Variants in CFAP44 observed in about 807,000 individuals in gnomAD.
CFAP44 encodes the protein cilia- and flagella-associated protein 44.
In CFAP44, 134 loss-of-function variants were observed where a neutral mutation model predicts 216.2. That is an observed-to-expected ratio of 0.62 (90% confidence interval 0.54 to 0.72). The LOEUF (loss-of-function observed/expected upper bound fraction) is 0.72. CFAP44 is among the 30% of genes least tolerant of loss of function. CFAP44 has a pLI of 0.00. For synonymous variants in CFAP44, 700 were observed against 727.6 expected, an observed-to-expected ratio of 0.96 and a Z score of 0.61; for missense variants, 2,035 against 2,182.1, an observed-to-expected ratio of 0.93 and a Z score of 1.34.
At position 113,439,665 on chromosome 3, in the gene CFAP44, T is replaced by C. The variant is rs556600753; in HGVS notation, c.-6+1788A>G. On this transcript the variant is annotated intron_variant, in intron 1 of 34. Coordinates refer to ENST00000393845, the MANE Select transcript of CFAP44 (RefSeq NM_001164496.2). ...CTGTATGTTATTTAGGTTGACAGGG[T>C]CAACTCTAAGGAAGTATAAAGAAAA... Among the ~76,000 whole-genome samples, 51 of 152,330 alleles carry C rather than the reference T, an allele frequency of 3.3e-4. 1 individual carries two copies. The South Asian group carries it at 8.5e-3, about 25-fold the overall frequency.
At chr3:113,356,684 T>C (rs1485284594) in intron 22 of CFAP44, among the ~76,000 whole-genome samples, 1 of 152,160 alleles carries the variant, frequency 6.6e-6, no homozygotes, top group Non-Finnish European at 1.5e-5. Context: ...ATAAAAATTA[T>C]TCAAGATGTA....
Position 113,330,676 on chromosome 3 carries a change from A to G in CFAP44, c.3616-8T>C. The G allele has an allele frequency of 6.6e-7, 1 of 1,524,634 alleles. No homozygotes were observed. The highest frequency in any genetic ancestry group is 1.2e-5 in the South Asian group (1 of 81,246). The allele number at this position is 1,524,634 out of a possible 1,614,324, so 94.4% of individuals were successfully genotyped here. A position where few individuals can be genotyped will look rare whatever the true frequency, so the allele number is the denominator to read the frequency against. Reference sequence around the variant, plus strand: ...CCTTTTATTTCCATGGACCTGAAAAAAAGAAGAGGAAGGAAACAACAGTAC... The same window carrying G: ...CCTTTTATTTCCATGGACCTGAAAAGAAGAAGAGGAAGGAAACAACAGTAC... On this transcript the variant is annotated splice_region_variant and splice_polypyrimidine_tract_variant and intron_variant, in intron 25 of 34. Transcript: ENST00000393845.
At position 113,416,400 on chromosome 3, in the gene CFAP44, T is replaced by C. The variant is rs1934648374; in HGVS notation, c.673+125A>G. 3 of 734,548 alleles carry C rather than the reference T, an allele frequency of 4.1e-6. No individual in the cohort carries two copies. In the East Asian group the frequency reaches 8.5e-5, roughly 21 times the overall value. 45.5% of individuals were successfully genotyped at this position (734,548 alleles called of 1,614,324 possible). On this transcript the variant is annotated intron_variant, in intron 6 of 34. Transcript: ENST00000393845. ...ATTGTTGTGTGTGAATTTGAATAAA[T>C]CTCTTTTCTGTCTTCCACTAGTTCT...
chr3:113,330,399 T>C lies in CFAP44; in HGVS notation c.3885A>G (p.Glu1295=), dbSNP rs765338230. 2 of 1,537,418 alleles carry C rather than the reference T, an allele frequency of 1.3e-6. No homozygotes were observed. Among genetic ancestry groups the C allele is most frequent in the East Asian group, 2.4e-5 (1 of 40,920 alleles). Reference sequence around the variant, plus strand: ...CAACTGGGCCTCCAGACCCTGTCTGTTCCACTCCGGGGGACTTTTCATCTT... The same window carrying C: ...CAACTGGGCCTCCAGACCCTGTCTGCTCCACTCCGGGGGACTTTTCATCTT... ...KSKDEKSPGV[E]QTGSGGPVGG... Residue 1295 remains glutamate (E), a synonymous_variant, in exon 26 of 35, where the codon GAA becomes GAG. Transcript: ENST00000393845.
At chr3:113,431,763 T>C (rs1357858699) in intron 2 of CFAP44, among the ~76,000 whole-genome samples, 1 of 152,200 alleles carries the variant, frequency 6.6e-6, no homozygotes, top group Non-Finnish European at 1.5e-5. Flanking sequence ...ATTTTGCATG[T>C]GTATTGATTT....
intron 8 of CFAP44, 54 bp downstream of exon 8, chr3:113,406,873 A>C: frequency 7.7e-7 from 1 of 1,293,372 alleles, no homozygotes; most frequent in Non-Finnish European, 1.1e-6. Flanking sequence ...GTGTGCTTTC[A>C]TATATGTACT....
At position 113,327,729 on chromosome 3, in the gene CFAP44, G is replaced by C. The variant is rs564091262; in HGVS notation, c.4207C>G (p.Leu1403Val). 189 of 1,536,800 alleles carry C rather than the reference G, an allele frequency of 1.2e-4. 5 individuals carry two copies. The South Asian group carries it at 1.7e-3, about 14-fold the overall frequency. ...KLDTQMKLSD[L>V]HHVTLFQEIL... is the part of the protein sequence containing the mutation. ...TCTTGAAATAAGGTGACATGGTGCA[G>C]GTCAGATAATTTCATCTGAGTATCT... The change falls in exon 27 of 35, where the codon CTG becomes GTG. Residue 1403 changes from leucine to valine, a missense_variant. Transcript: ENST00000393845.
At chr3:113,421,369 C>T (rs1031781715) in intron 4 of CFAP44, among the ~76,000 whole-genome samples, 1 of 152,066 alleles carries the variant, frequency 6.6e-6, no homozygotes, top group South Asian at 2.1e-4. Flanking sequence ...CAGACAAAAG[C>T]GAATGCTTAT....
At chr3:113,306,173 G>A (rs1208540448) in intron 30 of CFAP44, 28 bp downstream of exon 30, 7 of 1,528,100 alleles carry the variant, frequency 4.6e-6, no homozygotes, top group Non-Finnish European at 4.4e-6. Context: ...CATTTTGAGA[G>A]GATAAATAAG....
chr3:113,422,078 A>T (rs1934832415), intron 4 of CFAP44, among the ~76,000 whole-genome samples: 1 of 90,410 alleles, frequency 1.1e-5, no homozygotes. Flanking sequence ...AGTCAAAATT[A>T]ATATGCCCAA....
intron 22 of CFAP44, among the ~76,000 whole-genome samples, chr3:113,357,107 C>T (rs1386935645): frequency 6.6e-6 from 1 of 152,028 alleles, no homozygotes; most frequent in Non-Finnish European, 1.5e-5. Context: ...ATGATTGGTA[C>T]ATATATGAAA....
intron 28 of CFAP44, among the ~76,000 whole-genome samples, chr3:113,320,474 A>G (rs1488379435): frequency 1.1e-5 from 1 of 87,260 alleles, no homozygotes; most frequent in Non-Finnish European, 2.3e-5. Context: ...ATCATATATG[A>G]TATATATGAT....
chr3:113,361,102 G>T lies in CFAP44; in HGVS notation c.2934+2043C>A, dbSNP rs16860868. On this transcript the variant is annotated intron_variant, in intron 21 of 34. Coordinates refer to ENST00000393845, the MANE Select transcript of CFAP44 (RefSeq NM_001164496.2). ...TATGATTTACTTGGTTAGTGGTTTT[G>T]TGAATGAGTTACCCTTGGGTGGATT... The T allele has an allele frequency of 1.0e-3, 217 of 207,766 alleles. 2 individuals are homozygous for T. The highest frequency in any genetic ancestry group is 8.6e-3 in the East Asian group (58 of 6,770). 12.9% of individuals were successfully genotyped at this position (207,766 alleles called of 1,614,324 possible). A position where few individuals can be genotyped will look rare whatever the true frequency, so the allele number is the denominator to read the frequency against.
At position 113,288,511 on chromosome 3, in the gene CFAP44, T is replaced by TG. The variant is rs1223711611; in HGVS notation, c.*3045dup. 2 of 152,224 alleles carry TG rather than the reference T, an allele frequency of 1.3e-5. No individual in the cohort carries two copies. The highest frequency in any genetic ancestry group is 2.9e-5 in the Non-Finnish European group (2 of 68,056). 9.4% of individuals were successfully genotyped at this position (152,224 alleles called of 1,614,324 possible). ...GGCATCACGGCCCAGAGCTCACTTC[T>TG]GGGGTGGGTAGGGCTGACGCTCTCA... On this transcript the variant is annotated 3_prime_UTR_variant, in exon 35 of 35. Coordinates refer to ENST00000393845, the MANE Select transcript of CFAP44 (RefSeq NM_001164496.2).
chr3:113,296,271 TATATATAC>T (rs1949879624), intron 33 of CFAP44, among the ~76,000 whole-genome samples: 1 of 152,210 alleles, frequency 6.6e-6, no homozygotes, highest in Non-Finnish European at 1.5e-5. Context: ...TCTATATACA[TATATATAC>T]ATACACACAT....
chr3:113,300,805 T>C (rs1949927138), intron 32 of CFAP44, among the ~76,000 whole-genome samples: 1 of 152,180 alleles, frequency 6.6e-6, no homozygotes, highest in African/African-American at 2.4e-5. Context: ...GTTACCACTT[T>C]ATACTTTCCA....
intron 28 of CFAP44, among the ~76,000 whole-genome samples, chr3:113,315,155 A>C: frequency 6.6e-6 from 1 of 151,784 alleles, no homozygotes; most frequent in East Asian, 1.9e-4. Context: ...GTGAATGAAA[A>C]ACATTATCCA....
At chr3:113,373,257 G>A (rs538051495) in intron 18 of CFAP44, among the ~76,000 whole-genome samples, 154 bp downstream of exon 18, 14 of 152,218 alleles carry the variant, frequency 9.2e-5, no homozygotes, top group Admixed American at 7.8e-4. Flanking sequence ...TATTAGCTTT[G>A]ATTTTATTTA....
At chr3:113,326,335 T>C (rs1950189329) in intron 28 of CFAP44, 110 bp downstream of exon 28, 1 of 993,192 alleles carries the variant, frequency 1.0e-6, no homozygotes, top group South Asian at 2.3e-5. Context: ...TGTCTCTACA[T>C]TGTCCATGTT....
Sources: gnomAD v4.1 joint callset for allele counts (sites outside exome capture counted in the v4.1 genomes callset) on GRCh38, gnomAD v4.1.1 for gene constraint, MANE v1.5 for transcripts, NCBI Gene and HGNC (gene_info 2026-07-23, HGNC 2026-07-21) for gene names.